Variants in SOX5 observed in about 807,000 individuals in gnomAD.
SOX5 encodes the protein transcription factor SOX-5.
Under a neutral mutation model 92.0 loss-of-function variants are expected in SOX5, and 9 were observed. The ratio of observed to expected loss-of-function variants is 0.10; its 90% CI spans 0.06 to 0.17. The LOEUF (loss-of-function observed/expected upper bound fraction) is 0.17, where lower values mean the gene tolerates loss of function less well. Among genes scored for constraint, SOX5 ranks in the 10% least tolerant of loss-of-function variants. SOX5 has a pLI of 1.00. For missense variants in SOX5, 642 were observed against 944.5 expected (o/e 0.68, Z 4.20); for synonymous variants, 344 against 336.3 (o/e 1.02, Z -0.25).
At chr12:24,456,079 C>A (rs1040518272) in intron 1 of SOX5, among the ~76,000 whole-genome samples, 1 of 152,162 alleles carries the variant, frequency 6.6e-6, no homozygotes, top group Admixed American at 6.5e-5. Flanking sequence ...CACTTGCAAT[C>A]TCTAACTCAG....
rs190380915 is a variant in SOX5, at chr12:24,393,362, C to T, written c.-250-24723G>A. Among the ~76,000 whole-genome samples the T allele has an allele frequency of 1.4e-4, 22 of 152,264 alleles. No homozygotes were observed. Among genetic ancestry groups the T allele is most frequent in the Admixed American group, 1.3e-3 (20 of 15,296 alleles). ...GCTGACTTTTTGGGTTGTGGTCTTG[C>T]CATTGGGACACAATTACAGGCCAAT... On this transcript the variant is annotated intron_variant, in intron 1 of 4. Transcript: ENST00000446891. The surrounding 1 kb of genome is among the most constrained non-coding windows in gnomAD (Gnocchi z 5.0).
chr12:23,872,808 T>C (rs1490925619), intron 2 of SOX5, among the ~76,000 whole-genome samples: 1 of 152,160 alleles, frequency 6.6e-6, no homozygotes, highest in African/African-American at 2.4e-5. Flanking sequence ...AGATTGCATA[T>C]GGAGAACTAC....
At chr12:23,783,758 T>G (rs1166274805) in intron 3 of SOX5, among the ~76,000 whole-genome samples, 1 of 152,200 alleles carries the variant, frequency 6.6e-6, no homozygotes, top group African/African-American at 2.4e-5. Flanking sequence ...ACAGATATTT[T>G]GATAATGTTT....
At chr12:23,829,779 G>T (rs2096285843) in intron 3 of SOX5, among the ~76,000 whole-genome samples, 1 of 152,004 alleles carries the variant, frequency 6.6e-6, no homozygotes, top group South Asian at 2.1e-4. Flanking sequence ...GAGTCAAATA[G>T]CCAAATAAGA....
At chr12:24,440,292 C>A (rs1940273427) in intron 1 of SOX5, among the ~76,000 whole-genome samples, 1 of 152,176 alleles carries the variant, frequency 6.6e-6, no homozygotes, top group Non-Finnish European at 1.5e-5. Context: ...ATAATCTACT[C>A]TAGTCTCTTT....
chr12:23,708,999 G>A (rs2091761077), intron 6 of SOX5, among the ~76,000 whole-genome samples: 1 of 152,118 alleles, frequency 6.6e-6, no homozygotes, highest in Admixed American at 6.6e-5. Context: ...CTGGAAAATT[G>A]TTGTATTGAC....
chr12:24,461,225 G>A (rs1026698725), intron 1 of SOX5, among the ~76,000 whole-genome samples: 1 of 147,900 alleles, frequency 6.8e-6, no homozygotes, highest in Admixed American at 6.9e-5. Flanking sequence ...TTTGTAGGAG[G>A]ATTTATTGTA....
intron 1 of SOX5, among the ~76,000 whole-genome samples, chr12:24,525,955 C>T (rs778375334): frequency 6.6e-6 from 1 of 152,028 alleles, no homozygotes; most frequent in Non-Finnish European, 1.5e-5. Flanking sequence ...ACTGCAGCCC[C>T]GCACTCCTGG....
chr12:23,832,806 A>C (rs907004880), intron 3 of SOX5, among the ~76,000 whole-genome samples: 1 of 151,882 alleles, frequency 6.6e-6, no homozygotes, highest in Admixed American at 6.6e-5. Flanking sequence ...CAAAAAAAAA[A>C]ACCCTTACTT....
At chr12:24,522,956 GAAAAAGA>G (rs1950386893) in intron 1 of SOX5, among the ~76,000 whole-genome samples, 1 of 151,984 alleles carries the variant, frequency 6.6e-6, no homozygotes, top group Non-Finnish European at 1.5e-5. Flanking sequence ...ATCCAAATCA[GAAAAAGA>G]AGAAGTTAAA....
intron 3 of SOX5, among the ~76,000 whole-genome samples, chr12:23,827,461 C>A (rs1297261421): frequency 6.6e-6 from 1 of 152,064 alleles, no homozygotes; most frequent in Non-Finnish European, 1.5e-5. Context: ...TTCTATTGAC[C>A]AAGAATAGCA....
At chr12:23,779,955 C>CTGTGTGTGTGTGTGTGTGTGTG (rs10686652) in intron 3 of SOX5, among the ~76,000 whole-genome samples, 1 of 136,530 alleles carries the variant, frequency 7.3e-6, no homozygotes, top group Non-Finnish European at 1.6e-5. Context: ...CACAGCGAGA[C>CTGTGTGTGTGTGTGTGTGTGTG]TGTGTGTGTG....
intron 3 of SOX5, among the ~76,000 whole-genome samples, chr12:24,254,439 T>C (rs1315561736): frequency 6.6e-6 from 1 of 151,336 alleles, no homozygotes; most frequent in African/African-American, 2.4e-5. Flanking sequence ...CCAAACACCA[T>C]AGCTTAGCCT....
intron 1 of SOX5, among the ~76,000 whole-genome samples, chr12:23,930,000 C>T (rs1396349699): frequency 1.3e-5 from 2 of 151,850 alleles, no homozygotes; most frequent in Non-Finnish European, 2.9e-5. Flanking sequence ...TACTCATCCT[C>T]ATTCTGACCA....
intron 3 of SOX5, among the ~76,000 whole-genome samples, chr12:23,783,901 A>C (rs1249044786): frequency 6.6e-6 from 1 of 152,170 alleles, no homozygotes; most frequent in Non-Finnish European, 1.5e-5. Context: ...GGCAATAAAC[A>C]AGTTGGGCTC....
At chr12:24,388,928 A>G (rs1352126571) in intron 1 of SOX5, among the ~76,000 whole-genome samples, 2 of 152,118 alleles carry the variant, frequency 1.3e-5, no homozygotes, top group African/African-American at 4.8e-5. Flanking sequence ...GTTCATCTAC[A>G]TTGTAGCATG....
intron 1 of SOX5, among the ~76,000 whole-genome samples, chr12:24,552,630 C>T (rs138997793): frequency 2.9e-4 from 44 of 152,300 alleles, no homozygotes; most frequent in Middle Eastern, 3.4e-3. Context: ...ATATGCAACA[C>T]GCATCTGTGT....
intron 1 of SOX5, among the ~76,000 whole-genome samples, chr12:24,452,558 G>A (rs1942461381): frequency 6.6e-6 from 1 of 152,100 alleles, no homozygotes; most frequent in African/African-American, 2.4e-5. Context: ...TTAAAATAAA[G>A]CACTAAAAAG....
chr12:24,308,965 G>C (rs1327073063), intron 2 of SOX5, among the ~76,000 whole-genome samples: 1 of 152,142 alleles, frequency 6.6e-6, no homozygotes, highest in Non-Finnish European at 1.5e-5. Flanking sequence ...TACCTTAAAA[G>C]TAAAGGTCAG....
Sources: gnomAD v4.1 joint callset for allele counts (sites outside exome capture counted in the v4.1 genomes callset) on GRCh38, gnomAD v4.1.1 for gene constraint, Gnocchi (gnomAD v3.1) non-coding constraint, MANE v1.5 for transcripts, NCBI Gene and HGNC (gene_info 2026-07-23, HGNC 2026-07-21) for gene names.